Variants in ZNF536 observed in about 807,000 individuals in gnomAD.
ZNF536 encodes zinc finger protein 536.
ZNF536 carries 13 observed loss-of-function variants against 84.5 expected under a neutral mutation model. The ratio of observed to expected loss-of-function variants is 0.15; its 90% CI spans 0.10 to 0.24. ZNF536 has a LOEUF of 0.24. Among genes scored for constraint, ZNF536 ranks in the 10% least tolerant of loss-of-function variants. The probability of loss-of-function intolerance (pLI) is 1.00; values close to 1 mark genes in which losing one functional copy is unlikely to be tolerated. For synonymous variants in ZNF536, 811 were observed against 742.5 expected, an observed-to-expected ratio of 1.09 and a Z score of -1.50; for missense variants, 1,536 against 1,747.5, an observed-to-expected ratio of 0.88 and a Z score of 2.16.
chr19:30,596,421 G>T (rs1420769641), intron 1 of ZNF536, among the ~76,000 whole-genome samples: 1 of 152,174 alleles, frequency 6.6e-6, no homozygotes, highest in Non-Finnish European at 1.5e-5. Flanking sequence ...TATATTCTTT[G>T]TTGACAGCCT....
At chr19:30,406,361 A>C (rs1001458409) in intron 1 of ZNF536, among the ~76,000 whole-genome samples, 1 of 152,096 alleles carries the variant, frequency 6.6e-6, no homozygotes, top group African/African-American at 2.4e-5. Flanking sequence ...GCCACCGAGC[A>C]AGAATCTTAA....
chr19:30,673,176 C>T (rs796587180), intron 1 of ZNF536, among the ~76,000 whole-genome samples: 71 of 152,286 alleles, frequency 4.7e-4, no homozygotes, highest in African/African-American at 1.7e-3. Flanking sequence ...TGTTCCAGCC[C>T]GCCTAGGACC....
chr19:30,549,541 G>A, intron 4 of ZNF536, 27 bp downstream of exon 4: 1 of 1,493,432 alleles, frequency 6.7e-7, no homozygotes, highest in Non-Finnish European at 8.9e-7. Context: ...TCTTCCTATA[G>A]TTCATTTCCC....
chr19:30,458,822 G>T (rs1440362205), intron 2 of ZNF536, among the ~76,000 whole-genome samples: 3 of 152,146 alleles, frequency 2.0e-5, no homozygotes, highest in Admixed American at 2.0e-4. Context: ...CTGGTGAGGG[G>T]CTGGGGAGAC....
At chr19:30,261,697 CAAAAAA>C (rs56820609) in intron 1 of ZNF536, among the ~76,000 whole-genome samples, 6 of 99,912 alleles carry the variant, frequency 6.0e-5, no homozygotes, top group Non-Finnish European at 4.1e-5. Flanking sequence ...GGACCTTGTC[CAAAAAA>C]AAAAAAAAAA....
rs75305951 is a variant in ZNF536, at chr19:30,239,338, A to T, written c.-190+10665A>T. The stretch of plus-strand genomic sequence containing the variant: ...TCTTTTGATGGAGAAAGCGAGGCTT[A>T]TCCATGGTGGTGTGACTTGCCCAAG... On this transcript the variant is annotated intron_variant, in intron 1 of 5. Coordinates refer to the ZNF536 transcript ENST00000585628. Among the ~76,000 whole-genome samples the T allele has an allele frequency of 4.5e-3, 681 of 152,340 alleles. 5 individuals carry two copies. The highest frequency in any genetic ancestry group is 0.016 in the African/African-American group (651 of 41,586).
At chr19:30,535,213 C>T (rs796599891) in intron 3 of ZNF536, among the ~76,000 whole-genome samples, 13 of 152,294 alleles carry the variant, frequency 8.5e-5, no homozygotes, top group African/African-American at 2.2e-4. Context: ...CTCAGGGACT[C>T]GTAAATGTAG....
At chr19:30,697,885 C>T (rs1225583326) in intron 1 of ZNF536, among the ~76,000 whole-genome samples, 2 of 152,254 alleles carry the variant, frequency 1.3e-5, no homozygotes, top group African/African-American at 2.4e-5. Context: ...TTGGAAGCAT[C>T]TCTTGATGTG....
At chr19:30,680,364 T>C (rs895017726) in intron 1 of ZNF536, among the ~76,000 whole-genome samples, 13 of 150,824 alleles carry the variant, frequency 8.6e-5, no homozygotes, top group African/African-American at 2.7e-4. Context: ...AACTCGTCAT[T>C]TAGCATTAGG....
chr19:30,523,174 C>G (rs1333423489), intron 2 of ZNF536, among the ~76,000 whole-genome samples: 1 of 152,152 alleles, frequency 6.6e-6, no homozygotes, highest in Non-Finnish European at 1.5e-5. Flanking sequence ...GACACGAACA[C>G]TGAAAGCTGC....
chr19:30,606,277 AAAATAAAATAAAAT>A (rs869176129), intron 1 of ZNF536, among the ~76,000 whole-genome samples: 20,639 of 84,354 alleles, frequency 0.24, 2,672 homozygotes, highest in South Asian at 0.34. Context: ...AAAATAAAAT[AAAATAAAATAAAAT>A]AAATAAAATA....
At chr19:30,606,217 TATAAA>T (rs1435098196) in intron 1 of ZNF536, among the ~76,000 whole-genome samples, 2 of 56,416 alleles carry the variant, frequency 3.5e-5, no homozygotes, top group African/African-American at 8.6e-5. Flanking sequence ...TAAAATAAAA[TATAAA>T]ATAAAATAAT....
rs2022756821 is a variant in ZNF536 at position 30,228,547 on chromosome 19, G to C, written c.-316G>C. 1 of 151,846 alleles carries C rather than the reference G, an allele frequency of 6.6e-6. No individual in the cohort carries two copies. Among genetic ancestry groups the C allele is most frequent in the African/African-American group, 2.4e-5 (1 of 41,300 alleles). 9.4% of individuals were successfully genotyped at this position (151,846 alleles called of 1,614,324 possible). On this transcript the variant is annotated 5_prime_UTR_variant, in exon 1 of 6. Transcript: ENST00000585628. The surrounding 1 kb of genome is among the most constrained non-coding windows in gnomAD (Gnocchi z 4.5). Reference sequence around the variant, plus strand: ...AGTAGCGGCGTCAGATCCATCCCGCGCCTCCCAGTCCGGAGTCCATTTGCA... The same window carrying C: ...AGTAGCGGCGTCAGATCCATCCCGCCCCTCCCAGTCCGGAGTCCATTTGCA...
At chr19:30,365,342 G>A (rs902106222) in intron 3 of ZNF536, among the ~76,000 whole-genome samples, 2 of 151,472 alleles carry the variant, frequency 1.3e-5, no homozygotes, top group African/African-American at 2.4e-5. Flanking sequence ...CCTCTCTGTT[G>A]TCTTTCTCTC....
In ZNF536 at chr19:30,445,970, G is replaced by A. The variant is rs374141181; in HGVS notation, c.2170+238G>A. Among the ~76,000 whole-genome samples the A allele has an allele frequency of 3.0e-4, 45 of 152,200 alleles. 1 individual carries two copies. The highest frequency in any genetic ancestry group is 9.2e-4 in the African/African-American group (38 of 41,530). On this transcript the variant is annotated intron_variant, in intron 2 of 4. Transcript: ENST00000355537. The surrounding 1 kb of genome is among the most constrained non-coding windows in gnomAD (Gnocchi z 4.5). ...GCTACCAAGAAAGTAAGTTGAGGCCGGGTGTGGTGGCTCACGCCTGTAATC... is the reference window on the plus strand; with the variant it reads ...GCTACCAAGAAAGTAAGTTGAGGCCAGGTGTGGTGGCTCACGCCTGTAATC...
At chr19:30,500,566 A>G (rs2054908103) in intron 2 of ZNF536, among the ~76,000 whole-genome samples, 1 of 144,592 alleles carries the variant, frequency 6.9e-6, no homozygotes, top group Admixed American at 6.7e-5. Context: ...TGTGGGTCTC[A>G]CACAACCCCA....
intron 1 of ZNF536, among the ~76,000 whole-genome samples, chr19:30,232,032 A>G (rs2023089857): frequency 6.6e-6 from 1 of 152,080 alleles, no homozygotes; most frequent in Non-Finnish European, 1.5e-5. Context: ...TAGGAAACAC[A>G]GTCCAGTTTT....
At chr19:30,291,934 C>T (rs886859920) in intron 2 of ZNF536, among the ~76,000 whole-genome samples, 1 of 152,148 alleles carries the variant, frequency 6.6e-6, no homozygotes, top group African/African-American at 2.4e-5. Context: ...TCTCAGGGCC[C>T]ATAATAAAGT....
intron 4 of ZNF536, among the ~76,000 whole-genome samples, chr19:30,553,496 C>T (rs2045856450): frequency 6.6e-6 from 1 of 152,236 alleles, no homozygotes; most frequent in Non-Finnish European, 1.5e-5. Flanking sequence ...TGCCAGGTCT[C>T]CCAGTCAGGC....
Sources: allele counts gnomAD v4.1 joint callset (sites outside exome capture counted in the v4.1 genomes callset), GRCh38; gene constraint gnomAD v4.1.1; non-coding constraint Gnocchi (gnomAD v3.1); transcripts MANE v1.5; gene names NCBI Gene and HGNC (gene_info 2026-07-23, HGNC 2026-07-21).